PARD3B: variants seen among roughly 807,000 people sequenced by gnomAD.
PARD3B encodes par-3 family cell polarity regulator beta.
Under a neutral mutation model 130.2 loss-of-function variants are expected in PARD3B, and 103 were observed. That is an observed-to-expected ratio of 0.79 (90% CI 0.67 to 0.93). PARD3B has a LOEUF of 0.93. PARD3B is among the 40% of genes least tolerant of loss of function. The probability of loss-of-function intolerance (pLI) is 0.00; values close to 1 mark genes in which losing one functional copy is unlikely to be tolerated. For missense variants in PARD3B, 1,609 were observed against 1,499.2 expected, an observed-to-expected ratio of 1.07 and a Z score of -1.21; for synonymous variants, 583 against 553.2, an observed-to-expected ratio of 1.05 and a Z score of -0.76.
chr2:204,568,405 C>G (rs983972930), intron 1 of PARD3B, among the ~76,000 whole-genome samples: 1 of 152,090 alleles, frequency 6.6e-6, no homozygotes, highest in South Asian at 2.1e-4. Context: ...ATGTTTTGTT[C>G]TTGACTGGGA....
intron 2 of PARD3B, among the ~76,000 whole-genome samples, chr2:204,933,236 G>A (rs938204746): frequency 4.6e-5 from 7 of 152,132 alleles, no homozygotes; most frequent in African/African-American, 1.7e-4. Context: ...ATAAATGAAA[G>A]CTACCCAGAA....
At chr2:204,805,895 T>A (rs1382100217) in intron 2 of PARD3B, among the ~76,000 whole-genome samples, 4 of 151,934 alleles carry the variant, frequency 2.6e-5, no homozygotes, top group Admixed American at 6.6e-5. Flanking sequence ...AATAACTGAG[T>A]GTAGAAGGAA....
intron 1 of PARD3B, among the ~76,000 whole-genome samples, chr2:204,683,506 C>G (rs572756408): frequency 6.6e-6 from 1 of 152,142 alleles, no homozygotes; most frequent in African/African-American, 2.4e-5. Flanking sequence ...TATGGTCTTA[C>G]GATGGCTGTA....
intron 18 of PARD3B, among the ~76,000 whole-genome samples, chr2:205,308,462 CCA>C (rs1399360001): frequency 2.0e-5 from 3 of 151,968 alleles, no homozygotes; most frequent in Non-Finnish European, 4.4e-5. Flanking sequence ...AAAAAATTAG[CCA>C]TGCGTGGTGG....
rs190756898 is a variant in PARD3B at position 204,796,779 on chromosome 2, C to G, written c.222+110497C>G. 1.8e-3 allele frequency among the ~76,000 whole-genome samples: 274 copies of G among 152,336 alleles called. 1 individual carries two copies. The highest frequency in any genetic ancestry group is 6.8e-3 in the Middle Eastern group (2 of 294). On this transcript the variant is annotated intron_variant, in intron 2 of 22. Transcript: ENST00000406610. ...TACTTACGTCGTTGGTTTTCAGTTT[C>G]TGCTCTTGTGTATTCGAATCCAGGT...
intron 3 of PARD3B, among the ~76,000 whole-genome samples, chr2:204,998,358 A>ATATATATATATGTG (rs1400529301): frequency 2.9e-5 from 2 of 69,868 alleles, no homozygotes; most frequent in African/African-American, 6.8e-5. Context: ...ATATATATAT[A>ATATATATATATGTG]TGTGTGTGTG....
intron 2 of PARD3B, among the ~76,000 whole-genome samples, chr2:204,727,111 A>T (rs1229112467): frequency 2.0e-5 from 3 of 150,514 alleles, no homozygotes; most frequent in Admixed American, 1.3e-4. Flanking sequence ...ACTGCATGCA[A>T]TGAGAAGGTC....
intron 3 of PARD3B, among the ~76,000 whole-genome samples, chr2:205,046,067 G>T (rs748872287): frequency 6.6e-6 from 1 of 152,090 alleles, no homozygotes; most frequent in Non-Finnish European, 1.5e-5. Context: ...TAAAGATAAT[G>T]AGTTCCTTTG....
chr2:205,003,153 TTGTGC>T (rs1394871057), intron 3 of PARD3B, among the ~76,000 whole-genome samples: 1 of 152,222 alleles, frequency 6.6e-6, no homozygotes, highest in Non-Finnish European at 1.5e-5. Context: ...CCGGTCTTTA[TTGTGC>T]TGTGCCATTT....
Position 204,958,439 on chromosome 2 carries a change from G to C in PARD3B, c.223-6713G>C, listed in dbSNP as rs141870391. On this transcript the variant is annotated intron_variant, in intron 2 of 22. Transcript: ENST00000406610. ...CTAGGCAGAAGAGTGATAGAGTACTGTATTGTCTAAGGGTTGTGTGTTCTT... is the reference window on the plus strand; with the variant it reads ...CTAGGCAGAAGAGTGATAGAGTACTCTATTGTCTAAGGGTTGTGTGTTCTT... 1.9e-3 allele frequency among the ~76,000 whole-genome samples: 290 copies of C among 152,294 alleles called. 2 individuals are homozygous for C. The highest frequency in any genetic ancestry group is 6.1e-3 in the African/African-American group (255 of 41,564).
At chr2:205,604,206 G>T (rs1275281647) in intron 22 of PARD3B, among the ~76,000 whole-genome samples, 1 of 152,048 alleles carries the variant, frequency 6.6e-6, no homozygotes, top group Non-Finnish European at 1.5e-5. Flanking sequence ...GGGTGTATTA[G>T]TCCATTTTCA....
intron 13 of PARD3B, among the ~76,000 whole-genome samples, chr2:205,177,842 G>A (rs1421161492): frequency 2.6e-5 from 4 of 152,120 alleles, no homozygotes; most frequent in Non-Finnish European, 4.4e-5. Flanking sequence ...TGAAGGTCTA[G>A]AAAGTCAGTA....
rs916285885 is a variant in PARD3B, at chr2:205,341,926, T to C, written c.2630+40225T>C. ...TATAAAAGATACAGTAAAAATACAATATTATAATCTTATGGGACCACTGTC... is the reference window on the plus strand; with the variant it reads ...TATAAAAGATACAGTAAAAATACAACATTATAATCTTATGGGACCACTGTC... On this transcript the variant is annotated intron_variant, in intron 18 of 22. Coordinates refer to ENST00000406610, the MANE Select transcript of PARD3B (RefSeq NM_001302769.2). The surrounding 1 kb of genome is among the most constrained non-coding windows in gnomAD (Gnocchi z 4.3). 6.6e-6 allele frequency among the ~76,000 whole-genome samples: 1 copy of C among 152,034 alleles called. No homozygotes were observed. Among genetic ancestry groups the C allele is most frequent in the African/African-American group, 2.4e-5 (1 of 41,410 alleles).
chr2:205,114,613 A>G (rs571646844), intron 6 of PARD3B, among the ~76,000 whole-genome samples: 3 of 152,208 alleles, frequency 2.0e-5, no homozygotes, highest in South Asian at 4.1e-4. Context: ...CAAAGGTTAT[A>G]TAGTATTAAT....
chr2:205,261,244 G>T (rs1384025306), intron 16 of PARD3B, among the ~76,000 whole-genome samples: 1 of 152,008 alleles, frequency 6.6e-6, no homozygotes, highest in East Asian at 1.9e-4. Flanking sequence ...ATAATTGTTT[G>T]TTAAATGAAT....
intron 4 of PARD3B, among the ~76,000 whole-genome samples, chr2:205,086,118 A>C (rs553575948): frequency 6.6e-6 from 1 of 152,232 alleles, no homozygotes; most frequent in Non-Finnish European, 1.5e-5. Flanking sequence ...ACCACTCAGT[A>C]TAGTTTCCAG....
chr2:205,086,472 A>G (rs1164686028), intron 4 of PARD3B, among the ~76,000 whole-genome samples: 1 of 152,216 alleles, frequency 6.6e-6, no homozygotes, highest in East Asian at 1.9e-4. Context: ...AAAGGCATCC[A>G]TTCACACCTA....
intron 15 of PARD3B, among the ~76,000 whole-genome samples, chr2:205,224,244 G>A (rs1249669321): frequency 3.5e-5 from 5 of 142,252 alleles, no homozygotes; most frequent in African/African-American, 1.0e-4. Flanking sequence ...GGTGGCAGGT[G>A]CCTGTAGTCC....
chr2:205,400,399 G>A (rs145437577), intron 18 of PARD3B, among the ~76,000 whole-genome samples: 2 of 152,204 alleles, frequency 1.3e-5, no homozygotes, highest in Admixed American at 6.5e-5. Flanking sequence ...CTAGCACTTT[G>A]GGAAGCCAAG....
Sources: allele counts gnomAD v4.1 joint callset (sites outside exome capture counted in the v4.1 genomes callset), GRCh38; gene constraint gnomAD v4.1.1; non-coding constraint Gnocchi (gnomAD v3.1); transcripts MANE v1.5; gene names NCBI Gene and HGNC (gene_info 2026-07-23, HGNC 2026-07-21).